Variants in LDB2 observed in about 807,000 individuals in gnomAD.
The protein encoded by LDB2 is LIM domain binding 2.
LDB2 carries 12 observed loss-of-function variants against 44.3 expected under a neutral mutation model. The observed-to-expected ratio is 0.27, with a 90% CI of 0.17 to 0.44. LDB2 has a LOEUF of 0.44. Ranked by LOEUF, LDB2 falls within the 20% of genes least tolerant of loss-of-function variation. The probability of loss-of-function intolerance (pLI) is 1.00; values close to 1 mark genes in which losing one functional copy is unlikely to be tolerated. For synonymous variants in LDB2, 164 were observed against 174.8 expected (o/e 0.94, Z 0.49); for missense variants, 344 against 473.5 (o/e 0.73, Z 2.54).
chr4:16,693,757 G>A (rs556167833), intron 2 of LDB2, among the ~76,000 whole-genome samples: 32 of 152,282 alleles, frequency 2.1e-4, no homozygotes, highest in African/African-American at 7.0e-4. Context: ...TGTGCAATGC[G>A]AATGCAGCAC....
chr4:16,869,697 T>C (rs995314351), intron 1 of LDB2, among the ~76,000 whole-genome samples: 9 of 152,188 alleles, frequency 5.9e-5, no homozygotes, highest in Non-Finnish European at 7.3e-5. Context: ...ATGACTATTA[T>C]TGAGTTACGA....
chr4:16,654,525 A>G (rs896729532), intron 2 of LDB2, among the ~76,000 whole-genome samples: 1 of 152,220 alleles, frequency 6.6e-6, no homozygotes, highest in African/African-American at 2.4e-5. Flanking sequence ...ATAAATGCCA[A>G]CAAAGCATGC....
chr4:16,664,941 G>A (rs1211887939), intron 2 of LDB2, among the ~76,000 whole-genome samples: 1 of 152,180 alleles, frequency 6.6e-6, no homozygotes, highest in Non-Finnish European at 1.5e-5. Flanking sequence ...AAGGACAAAT[G>A]TACTTTCTGC....
intron 2 of LDB2, among the ~76,000 whole-genome samples, chr4:16,693,347 C>CTTTTTTTTTTT (rs71181181): frequency 1.8e-5 from 2 of 112,126 alleles, no homozygotes; most frequent in East Asian, 3.0e-4. Context: ...AGCAATAGTT[C>CTTTTTTTTTTT]TTTTTTTTTT....
chr4:16,828,450 C>T (rs532777357), intron 1 of LDB2, among the ~76,000 whole-genome samples: 21 of 152,266 alleles, frequency 1.4e-4, no homozygotes, highest in African/African-American at 4.8e-4. Flanking sequence ...GGAGAGTTAC[C>T]TCCTTTTAGC....
chr4:16,843,290 G>A (rs371436107), intron 1 of LDB2, among the ~76,000 whole-genome samples: 11 of 152,138 alleles, frequency 7.2e-5, no homozygotes, highest in Admixed American at 4.6e-4. Flanking sequence ...AGCGTTTTCC[G>A]CATACTGGAT....
At chr4:16,887,699 GA>G (rs138636395) in intron 1 of LDB2, among the ~76,000 whole-genome samples, 10 of 147,820 alleles carry the variant, frequency 6.8e-5, no homozygotes, top group East Asian at 2.0e-4. Context: ...AAAAGGAAAA[GA>G]AAAAAAAAGG....
At chr4:16,753,355 T>A (rs931067600) in intron 2 of LDB2, among the ~76,000 whole-genome samples, 1 of 152,174 alleles carries the variant, frequency 6.6e-6, no homozygotes, top group East Asian at 1.9e-4. Flanking sequence ...TTGCAGAATT[T>A]CTCTACCTTA....
chr4:16,788,845 GT>G (rs1348605362), intron 1 of LDB2, among the ~76,000 whole-genome samples: 2 of 152,148 alleles, frequency 1.3e-5, no homozygotes, highest in African/African-American at 4.8e-5. Context: ...AAGCAAAAGG[GT>G]ACTACTGTGC....
intron 1 of LDB2, among the ~76,000 whole-genome samples, chr4:16,765,859 C>T (rs911432807): frequency 2.0e-5 from 3 of 152,310 alleles, no homozygotes; most frequent in Admixed American, 6.5e-5. Flanking sequence ...AATAAATTAT[C>T]TCACACCTAC....
At chr4:16,759,685 T>A (rs16893942) in intron 1 of LDB2, among the ~76,000 whole-genome samples, 5,548 of 152,276 alleles carry the variant, frequency 0.036, 157 homozygotes, top group East Asian at 0.078. Flanking sequence ...ATAATTTTCA[T>A]ACATAATTTA....
intron 5 of LDB2, among the ~76,000 whole-genome samples, chr4:16,520,667 T>C (rs1259689999): frequency 1.3e-5 from 2 of 152,134 alleles, no homozygotes; most frequent in African/African-American, 4.8e-5. Flanking sequence ...CAGCTGTCAC[T>C]CCAGTCTTGA....
intron 1 of LDB2, among the ~76,000 whole-genome samples, chr4:16,859,196 G>GATCT (rs1480441328): frequency 1.3e-5 from 2 of 152,026 alleles, no homozygotes; most frequent in African/African-American, 4.8e-5. Flanking sequence ...CTGATCCCTG[G>GATCT]GAGTCCTACT....
chr4:16,738,023 A>G (rs1358147359), intron 2 of LDB2, among the ~76,000 whole-genome samples: 1 of 152,192 alleles, frequency 6.6e-6, no homozygotes, highest in Non-Finnish European at 1.5e-5. Context: ...GTGTTATTGA[A>G]TTTAATAGTC....
intron 2 of LDB2, among the ~76,000 whole-genome samples, chr4:16,674,545 T>C (rs1333994002): frequency 6.6e-6 from 1 of 152,206 alleles, no homozygotes; most frequent in Non-Finnish European, 1.5e-5. Flanking sequence ...TGAGGATTAT[T>C]AATTACTTGT....
rs901275027 is a variant in LDB2 at position 16,533,921 on chromosome 4, A to G, written c.616-21817T>C. 6.6e-6 allele frequency among the ~76,000 whole-genome samples: 1 copy of G among 152,218 alleles called. No homozygotes were observed. Among genetic ancestry groups the G allele is most frequent in the Non-Finnish European group, 1.5e-5 (1 of 68,044 alleles). On this transcript the variant is annotated intron_variant, in intron 5 of 7. Transcript: ENST00000304523. This position sits in a 1 kb window ranked among gnomAD's most constrained non-coding sequence, Gnocchi z 4.1. Reference sequence around the variant, plus strand: ...GCTTTTAAGTATTGATATTTCCTGCATTAATAATACTCTAAACCACATTCA... The same window carrying G: ...GCTTTTAAGTATTGATATTTCCTGCGTTAATAATACTCTAAACCACATTCA...
At chr4:16,549,675 G>A (rs2152344826) in intron 5 of LDB2, among the ~76,000 whole-genome samples, 1 of 152,216 alleles carries the variant, frequency 6.6e-6, no homozygotes, top group East Asian at 1.9e-4. Context: ...ATGTTACCCA[G>A]ATTAAAAACC....
chr4:16,788,771 T>C (rs1193903803), intron 1 of LDB2, among the ~76,000 whole-genome samples: 1 of 152,196 alleles, frequency 6.6e-6, no homozygotes, highest in African/African-American at 2.4e-5. Flanking sequence ...ATGACATTAA[T>C]AGTGAGCCCC....
intron 1 of LDB2, among the ~76,000 whole-genome samples, chr4:16,838,693 T>C (rs752837543): frequency 2.6e-5 from 4 of 152,200 alleles, no homozygotes; most frequent in Non-Finnish European, 5.9e-5. Context: ...GCTCAACCAT[T>C]TCTCTGCCTG....
Sources: gnomAD v4.1 joint callset for allele counts (sites outside exome capture counted in the v4.1 genomes callset) on GRCh38, gnomAD v4.1.1 for gene constraint, Gnocchi (gnomAD v3.1) non-coding constraint, MANE v1.5 for transcripts, NCBI Gene and HGNC (gene_info 2026-07-23, HGNC 2026-07-21) for gene names.